MYO1D: variants seen among roughly 807,000 people sequenced by gnomAD.
MYO1D encodes the protein unconventional myosin-Id.
MYO1D carries 83 observed loss-of-function variants against 122.0 expected under a neutral mutation model. The ratio of observed to expected loss-of-function variants is 0.68; its 90% CI spans 0.57 to 0.82. The LOEUF is 0.82. Among genes scored for constraint, MYO1D ranks in the 40% least tolerant of loss-of-function variants. The pLI, the probability that MYO1D is intolerant of heterozygous loss-of-function variation, is 0.00. For missense variants in MYO1D, 1,157 were observed against 1,269.5 expected (o/e 0.91, Z 1.35); for synonymous variants, 464 against 446.9 (o/e 1.04, Z -0.48).
At chr17:32,707,608 C>CT (rs1567958941) in intron 16 of MYO1D, among the ~76,000 whole-genome samples, 1 of 152,202 alleles carries the variant, frequency 6.6e-6, no homozygotes, top group East Asian at 1.9e-4. Flanking sequence ...GACTACTATG[C>CT]TTACAGTGGT....
intron 20 of MYO1D, among the ~76,000 whole-genome samples, chr17:32,635,564 G>T (rs1368525215): frequency 3.9e-5 from 6 of 152,062 alleles, no homozygotes. Flanking sequence ...ACGGTGGCAG[G>T]TGCCTGTAAT....
Position 32,494,790 on chromosome 17 carries a change from G to C in MYO1D, c.2990C>G (p.Ser997Trp), listed in dbSNP as rs760738580. Reference sequence around the variant, plus strand: ...CCCGGGCACGCTGAGGATGAAGCCCGAGCGATTCTTGGTGAAGTCGGGCTG... The same window carrying C: ...CCCGGGCACGCTGAGGATGAAGCCCCAGCGATTCTTGGTGAAGTCGGGCTG... ...QPQPDFTKNRSGFILSVPGN is the reference protein window; with the variant it reads ...QPQPDFTKNRWGFILSVPGN Residue 997 changes from serine to tryptophan, a missense_variant, in exon 22 of 22, where the codon TCG (serine) becomes TGG (tryptophan). Coordinates refer to ENST00000318217, the MANE Select transcript of MYO1D (RefSeq NM_015194.3). 2 of 1,611,630 alleles carry C rather than the reference G, an allele frequency of 1.2e-6. No homozygotes were observed. Among genetic ancestry groups the C allele is most frequent in the East Asian group, 2.2e-5 (1 of 44,686 alleles).
chr17:32,584,388 C>T (rs115445489), intron 21 of MYO1D, among the ~76,000 whole-genome samples: 3,372 of 152,178 alleles, frequency 0.022, 127 homozygotes, highest in African/African-American at 0.077. Context: ...TTCTATGATG[C>T]TGGCCAACCA....
intron 21 of MYO1D, among the ~76,000 whole-genome samples, chr17:32,550,429 T>C (rs991612745): frequency 6.6e-6 from 1 of 152,210 alleles, no homozygotes; most frequent in Non-Finnish European, 1.5e-5. Context: ...ATAAAATTTT[T>C]TCAATACTAC....
intron 14 of MYO1D, among the ~76,000 whole-genome samples, chr17:32,729,693 C>CAGT (rs1366408511): frequency 5.3e-5 from 8 of 152,176 alleles, no homozygotes; most frequent in African/African-American, 1.9e-4. Flanking sequence ...ATGGAAAAGA[C>CAGT]AGTCATAAGG....
Position 32,712,147 on chromosome 17 carries a change from T to C in MYO1D, c.1962A>G (p.Ser654=). 6.2e-7 allele frequency: 1 copy of C among 1,614,006 alleles called. No individual in the cohort carries two copies. The change falls in exon 16 of 22, where the codon TCA becomes TCG. Residue 654 remains serine (S), a synonymous_variant. Transcript: ENST00000318217. ...TTAGTTTCTTGACAGCCTCTTTGTC[T>C]GAAGGAAGGTCATGGTTGGGCCAGG... is the stretch of plus-strand genomic sequence containing the variant. ...EFTWPNHDLP[S]DKEAVKKLIE...
intron 21 of MYO1D, chr17:32,496,949 C>G (rs1909140319): frequency 6.6e-6 from 1 of 152,270 alleles, no homozygotes; most frequent in Admixed American, 6.5e-5. Flanking sequence ...CATTAGTTCA[C>G]CCTCACCCTC....
At chr17:32,796,382 A>T (rs1309794370) in intron 1 of MYO1D, among the ~76,000 whole-genome samples, 1 of 152,246 alleles carries the variant, frequency 6.6e-6, no homozygotes, top group Admixed American at 6.5e-5. Flanking sequence ...TGCATTTTAA[A>T]TAATATTAAA....
At chr17:32,571,920 T>C (rs1452595432) in intron 21 of MYO1D, among the ~76,000 whole-genome samples, 2 of 152,236 alleles carry the variant, frequency 1.3e-5, no homozygotes, top group Non-Finnish European at 2.9e-5. Flanking sequence ...GCTCTTTTTA[T>C]GGTGAACTCC....
chr17:32,723,441 G>A (rs2089535744), intron 14 of MYO1D, among the ~76,000 whole-genome samples: 1 of 152,108 alleles, frequency 6.6e-6, no homozygotes, highest in East Asian at 1.9e-4. Flanking sequence ...ATTCTGCCTA[G>A]TACACCTGCC....
intron 21 of MYO1D, among the ~76,000 whole-genome samples, chr17:32,594,989 C>G (rs1254832432): frequency 6.6e-6 from 1 of 152,202 alleles, no homozygotes; most frequent in African/African-American, 2.4e-5. Context: ...CAGCATTCAA[C>G]ATACTCATGG....
At chr17:32,643,139 T>C (rs1198573980) in intron 19 of MYO1D, among the ~76,000 whole-genome samples, 2 of 152,240 alleles carry the variant, frequency 1.3e-5, no homozygotes, top group Non-Finnish European at 2.9e-5. Context: ...TGAAGCGCTG[T>C]TGAATTTTGT....
rs148939255 is a variant in MYO1D at position 32,534,464 on chromosome 17, C to T, written c.2865-39549G>A. Among the ~76,000 whole-genome samples the T allele has an allele frequency of 5.9e-5, 9 of 152,274 alleles. No homozygotes were observed. In the East Asian group the frequency reaches 1.3e-3, roughly 23 times the overall value. On this transcript the variant is annotated intron_variant, in intron 21 of 21. Coordinates refer to ENST00000318217, the MANE Select transcript of MYO1D (RefSeq NM_015194.3). ...TTGGGTTTACAGGTATGAGCCACTG[C>T]GCCCAGCTGGAAAAATATATTTTAA... is the stretch of plus-strand genomic sequence containing the variant.
chr17:32,613,789 C>CAAAAAAAAAAA (rs60701225), intron 20 of MYO1D, among the ~76,000 whole-genome samples: 19 of 51,056 alleles, frequency 3.7e-4, no homozygotes, highest in Non-Finnish European at 5.7e-4. Flanking sequence ...GATTCCATCT[C>CAAAAAAAAAAA]AAAAAAAAAA....
chr17:32,549,957 T>G (rs2086996948), intron 21 of MYO1D, among the ~76,000 whole-genome samples: 1 of 152,144 alleles, frequency 6.6e-6, no homozygotes, highest in East Asian at 1.9e-4. Context: ...AACTATAAAG[T>G]TCTATGGAAT....
chr17:32,531,432 ACT>A (rs1319492505), intron 21 of MYO1D: 2 of 152,084 alleles, frequency 1.3e-5, no homozygotes, highest in Admixed American at 1.3e-4. Context: ...GGGTCCTGCA[ACT>A]CTCTGAGTTC....
In MYO1D at chr17:32,720,706, T is replaced by C. The variant is rs368066616; in HGVS notation, c.1913+317A>G. ...AACAGGGTCATAGAAGTTAAATTTC[T>C]GGCCCATGATCAAGCAGCAAGTAAG... On this transcript the variant is annotated intron_variant, in intron 15 of 21. Transcript: ENST00000318217. Among the ~76,000 whole-genome samples the C allele has an allele frequency of 4.6e-5, 7 of 152,318 alleles. No individual in the cohort carries two copies. The East Asian group carries it at 1.4e-3, about 29-fold the overall frequency.
At chr17:32,578,084 C>T (rs184145997) in intron 21 of MYO1D, among the ~76,000 whole-genome samples, 6 of 152,252 alleles carry the variant, frequency 3.9e-5, no homozygotes, top group African/African-American at 1.4e-4. Context: ...TATTAGAATG[C>T]CCAGGTTTAT....
At chr17:32,597,813 G>C (rs552310211) in intron 21 of MYO1D, among the ~76,000 whole-genome samples, 30 of 142,890 alleles carry the variant, frequency 2.1e-4, no homozygotes, top group African/African-American at 6.8e-4. Context: ...AGGTTGCAGT[G>C]AGCCAAGATT....
Sources: allele counts gnomAD v4.1 joint callset (sites outside exome capture counted in the v4.1 genomes callset), GRCh38; gene constraint gnomAD v4.1.1; transcripts MANE v1.5; gene names NCBI Gene and HGNC (gene_info 2026-07-23, HGNC 2026-07-21).